RNF170: variants seen among roughly 807,000 people sequenced by gnomAD.
The protein encoded by RNF170 is E3 ubiquitin-protein ligase RNF170.
RNF170 carries 12 observed loss-of-function variants against 32.7 expected under a neutral mutation model. That is an observed-to-expected ratio of 0.37 (90% CI 0.24 to 0.60). RNF170 has a LOEUF of 0.60. RNF170 is among the 20% of genes least tolerant of loss of function. The pLI is 0.72. For synonymous variants in RNF170, 91 were observed against 103.6 expected (o/e 0.88, Z 0.74); for missense variants, 212 against 311.2 (o/e 0.68, Z 2.40).
rs944950735 is a variant in RNF170, at chr8:42,855,506, C to A, written c.*653G>T. The A allele has an allele frequency of 9.4e-6, 12 of 1,274,026 alleles. No homozygotes were observed. Among genetic ancestry groups the A allele is most frequent in the Admixed American group, 6.9e-5 (3 of 43,502 alleles). 78.9% of individuals were successfully genotyped at this position (1,274,026 alleles called of 1,614,324 possible). A position where few individuals can be genotyped will look rare whatever the true frequency, so the allele number is the denominator to read the frequency against. On this transcript the variant is annotated 3_prime_UTR_variant, in exon 7 of 7. Transcript: ENST00000527424. ...GATTACAGGCGTGAGCCACCCCGCC[C>A]GGCCATGTTTTTCATCTTAATTCTT... is the stretch of plus-strand genomic sequence containing the variant.
At chr8:42,870,589 T>C (rs1033280776) in intron 3 of RNF170, among the ~76,000 whole-genome samples, 2 of 150,144 alleles carry the variant, frequency 1.3e-5, no homozygotes, top group Non-Finnish European at 1.5e-5. Context: ...TAGCCAGGAG[T>C]GGTGGTGGCA....
chr8:42,884,296 C>A (rs1805638115), intron 2 of RNF170, among the ~76,000 whole-genome samples: 1 of 152,040 alleles, frequency 6.6e-6, no homozygotes, highest in African/African-American at 2.4e-5. Context: ...GTTGGTCAGG[C>A]TGGTCTCGAA....
chr8:42,885,135 G>A (rs1042721902), intron 2 of RNF170, among the ~76,000 whole-genome samples: 3 of 151,820 alleles, frequency 2.0e-5, no homozygotes, highest in South Asian at 2.1e-4. Flanking sequence ...AAGTGGGATC[G>A]TGCAGTATTT....
intron 1 of RNF170, among the ~76,000 whole-genome samples, chr8:42,892,380 G>T (rs1000244988): frequency 6.6e-6 from 1 of 152,000 alleles, no homozygotes; most frequent in Non-Finnish European, 1.5e-5. Context: ...GCCCAAGCTG[G>T]TCTCCAACTC....
At chr8:42,865,338 C>T (rs1038390834) in intron 5 of RNF170, 78 bp downstream of exon 5, 6 of 1,077,292 alleles carry the variant, frequency 5.6e-6, no homozygotes, top group Non-Finnish European at 7.2e-6. Flanking sequence ...AATAATAATT[C>T]CAAATGTAGA....
intron 2 of RNF170, among the ~76,000 whole-genome samples, chr8:42,880,683 T>C (rs907915841): frequency 2.6e-5 from 4 of 151,880 alleles, no homozygotes; most frequent in African/African-American, 7.3e-5. Flanking sequence ...GGGAGGAGAA[T>C]TGCTTGAACC....
Position 42,887,769 on chromosome 8 carries a change from G to C in RNF170, c.96C>G (p.Val32=). Residue 32 remains valine, a synonymous_variant, in exon 2 of 7, where the codon GTC becomes GTG. Transcript: ENST00000527424. ...VSDQVLVAVV[V]SFALIATLVY... Reference sequence around the variant, plus strand: ...CCAGGGTAGCAATCAAAGCGAAACTGACCACAACTGCCACAAGTACTTGGT... The same window carrying C: ...CCAGGGTAGCAATCAAAGCGAAACTCACCACAACTGCCACAAGTACTTGGT... The C allele has an allele frequency of 6.2e-7, 1 of 1,613,930 alleles. No homozygotes were observed.
chr8:42,893,189 G>A (rs1047463627), intron 1 of RNF170, among the ~76,000 whole-genome samples: 1 of 152,150 alleles, frequency 6.6e-6, no homozygotes, highest in African/African-American at 2.4e-5. Flanking sequence ...GCCACTAAAG[G>A]TTGTTTACAT....
At chr8:42,876,514 C>T (rs1804942528) in intron 2 of RNF170, among the ~76,000 whole-genome samples, 1 of 151,992 alleles carries the variant, frequency 6.6e-6, no homozygotes, top group Non-Finnish European at 1.5e-5. Flanking sequence ...AGAAAACCAC[C>T]ATCTACAAAC....
intron 6 of RNF170, among the ~76,000 whole-genome samples, chr8:42,859,627 A>G (rs1386254010): frequency 6.6e-6 from 1 of 151,772 alleles, no homozygotes; most frequent in East Asian, 2.0e-4. Flanking sequence ...TCTGTCTCAA[A>G]CAACAACAAC....
intron 1 of RNF170, among the ~76,000 whole-genome samples, chr8:42,888,315 C>T (rs1475341343): frequency 6.6e-5 from 10 of 151,994 alleles, no homozygotes; most frequent in Non-Finnish European, 1.3e-4. Flanking sequence ...CCACCTGCCT[C>T]GGCCTCCCAA....
rs1421721318 is a variant in RNF170, at chr8:42,855,893, T to G, written c.*266A>C. On this transcript the variant is annotated 3_prime_UTR_variant, in exon 7 of 7. Transcript: ENST00000527424. ...ATATATAAAAGCATCCCTTTTTATATAATTCCATATTTTTTCCAGACAACA... is the reference window on the plus strand; with the variant it reads ...ATATATAAAAGCATCCCTTTTTATAGAATTCCATATTTTTTCCAGACAACA... 9.8e-6 allele frequency: 12 copies of G among 1,227,794 alleles called. No individual in the cohort carries two copies. Among genetic ancestry groups the G allele is most frequent in the Non-Finnish European group, 1.3e-5 (12 of 938,852 alleles). 76.1% of individuals were successfully genotyped at this position (1,227,794 alleles called of 1,614,324 possible).
chr8:42,869,288 C>T (rs1361895604), intron 4 of RNF170, among the ~76,000 whole-genome samples: 1 of 152,154 alleles, frequency 6.6e-6, no homozygotes, highest in Non-Finnish European at 1.5e-5. Context: ...ATGTCCAATA[C>T]ATAGGCATGT....
At chr8:42,851,943 T>C (rs1439830078), downstream of RNF170, among the ~76,000 whole-genome samples, 1 of 152,220 alleles carries the variant, frequency 6.6e-6, no homozygotes, top group African/African-American at 2.4e-5. Flanking sequence ...CGCTTGAGCA[T>C]TTAAATGGAT....
At position 42,853,938 on chromosome 8, in the gene RNF170, A is replaced by C. The variant is rs1159868141; in HGVS notation, c.*2221T>G. The C allele has an allele frequency of 7.8e-7, 1 of 1,287,204 alleles. No homozygotes were observed. The highest frequency in any genetic ancestry group is 1.0e-6 in the Non-Finnish European group (1 of 988,662). 79.7% of individuals were successfully genotyped at this position (1,287,204 alleles called of 1,614,324 possible). ...TAATTATTGTAACCAGAATTGTGACACTTGGAGCAGAATGCATGCACACAA... is the reference window on the plus strand; with the variant it reads ...TAATTATTGTAACCAGAATTGTGACCCTTGGAGCAGAATGCATGCACACAA... On this transcript the variant is annotated 3_prime_UTR_variant, in exon 7 of 7. Coordinates refer to ENST00000527424, the MANE Select transcript of RNF170 (RefSeq NM_030954.4).
intron 1 of RNF170, 66 bp downstream of exon 1, chr8:42,896,418 G>A (rs1364188685): frequency 4.4e-6 from 2 of 451,688 alleles, no homozygotes; most frequent in Non-Finnish European, 8.9e-6. Flanking sequence ...AAGAAGGCCA[G>A]ACCCCGCCGT....
chr8:42,883,083 T>C (rs1805543410), intron 2 of RNF170, among the ~76,000 whole-genome samples: 1 of 150,140 alleles, frequency 6.7e-6, no homozygotes, highest in Non-Finnish European at 1.5e-5. Flanking sequence ...AAAAGAGAAA[T>C]CACATGTTCT....
chr8:42,869,116 C>T (rs1202462841), intron 4 of RNF170, among the ~76,000 whole-genome samples: 1 of 151,928 alleles, frequency 6.6e-6, no homozygotes, highest in Non-Finnish European at 1.5e-5. Context: ...CCTTATGTTG[C>T]CCAGGCTGGC....
chr8:42,854,947 AAC>A lies in RNF170; in HGVS notation c.*1210_*1211del. On this transcript the variant is annotated 3_prime_UTR_variant, in exon 7 of 7. Coordinates refer to ENST00000527424, the MANE Select transcript of RNF170 (RefSeq NM_030954.4). ...TAAAAATTTCTGACAACAGAAAACT[AAC>A]AAAATTTGTCCAATCTGTTGCTATA... The A allele has an allele frequency of 3.1e-6, 4 of 1,287,234 alleles. No homozygotes were observed. The highest frequency in any genetic ancestry group is 4.0e-6 in the Non-Finnish European group (4 of 988,690). The allele number at this position is 1,287,234 out of a possible 1,614,324, so 79.7% of individuals were successfully genotyped here.
Sources: allele counts gnomAD v4.1 joint callset (sites outside exome capture counted in the v4.1 genomes callset), GRCh38; gene constraint gnomAD v4.1.1; transcripts MANE v1.5; gene names NCBI Gene and HGNC (gene_info 2026-07-23, HGNC 2026-07-21).